The following RHBDD3 variants were observed in gnomAD, a reference collection of about 807,000 sequenced individuals.
RHBDD3 encodes the protein rhomboid domain containing 3.
RHBDD3 carries 34 observed loss-of-function variants against 32.3 expected under a neutral mutation model. The observed-to-expected ratio is 1.05, with a 90% CI of 0.80 to 1.40. The LOEUF is 1.40. RHBDD3 is among the 40% of genes most tolerant of loss of function. The pLI is 0.00. For missense variants in RHBDD3, 482 were observed against 492.6 expected (o/e 0.98, Z 0.20); for synonymous variants, 249 against 239.1 (o/e 1.04, Z -0.38).
chr22:29,266,195 T>G (rs1216055977), intron 2 of RHBDD3, among the ~76,000 whole-genome samples: 1 of 152,190 alleles, frequency 6.6e-6, no homozygotes, highest in Non-Finnish European at 1.5e-5. Context: ...ACATCCCCTT[T>G]GAGGGTGAAC....
intron 4 of RHBDD3, among the ~76,000 whole-genome samples, chr22:29,262,602 A>T (rs562106121): frequency 6.6e-6 from 1 of 152,248 alleles, no homozygotes; most frequent in African/African-American, 2.4e-5. Flanking sequence ...TGAGATTTTG[A>T]TAAGAATTGT....
rs553138805 is a variant in RHBDD3 at position 29,261,116 on chromosome 22, C to G, written c.533-252G>C. ...CCCAAGGCCTGGGCTCACCCGTGAC[C>G]CACTCTGTTCCCAGAACCCTATGCA... On this transcript the variant is annotated intron_variant, in intron 4 of 6. Transcript: ENST00000216085. The G allele has an allele frequency of 5.7e-5, 34 of 596,310 alleles. No individual in the cohort carries two copies. In the African/African-American group the frequency reaches 6.1e-4, roughly 11 times the overall value. 36.9% of individuals were successfully genotyped at this position (596,310 alleles called of 1,614,324 possible).
At chr22:29,265,438 A>T (rs1355295372) in intron 3 of RHBDD3, 41 bp downstream of exon 3, 1 of 1,467,806 alleles carries the variant, frequency 6.8e-7, no homozygotes, top group Admixed American at 2.7e-5. Context: ...CCCTACAGCA[A>T]GTCTCCTGCT....
upstream of RHBDD3, chr22:29,268,002 C>T: frequency 2.5e-6 from 1 of 407,308 alleles, no homozygotes; most frequent in Middle Eastern, 6.6e-4. Flanking sequence ...CTTCAGCGAC[C>T]GTCCCTAGAG....
At chr22:29,263,712 G>C in intron 4 of RHBDD3, 123 bp downstream of exon 4, 1 of 1,418,114 alleles carries the variant, frequency 7.1e-7, no homozygotes, top group Non-Finnish European at 9.2e-7. Context: ...GAAGCTCCTG[G>C]AATGTGTGTG....
chr22:29,267,999 G>T, upstream of RHBDD3: 1 of 399,094 alleles, frequency 2.5e-6, no homozygotes, highest in Non-Finnish European at 4.7e-6. Flanking sequence ...ACTCTTCAGC[G>T]ACCGTCCCTA....
chr22:29,260,463 G>T lies in RHBDD3; in HGVS notation c.846C>A (p.Phe282Leu). ...CCGCCCACATCGGAGTCCCTGGGGA[G>T]AAGCTGGCCCCAGCCCAGTCCAGGC... is the stretch of plus-strand genomic sequence containing the variant. ...EAGLDWAGAS[F>L]SPGTPMWAAL... The change falls in exon 6 of 7, where the codon TTC (phenylalanine) becomes TTA (leucine). Residue 282 changes from phenylalanine to leucine, a missense_variant. By Grantham distance (22) the Phe-to-Leu change is conservative. Transcript: ENST00000216085. 6.2e-7 allele frequency: 1 copy of T among 1,609,848 alleles called. No individual in the cohort carries two copies.
intron 3 of RHBDD3, chr22:29,264,526 G>A (rs955904387): frequency 8.7e-7 from 1 of 1,155,538 alleles, no homozygotes; most frequent in Non-Finnish European, 1.1e-6. Context: ...CTCTGCTTCT[G>A]TATTTACTAA....
At position 29,267,927 on chromosome 22, in the gene RHBDD3, T is replaced by G; in HGVS notation, c.-374A>C. ...CCGCGGCCCGCGGATTAGTCAGCAG[T>G]TGTTCTAGTCCGGGTCCCTTCCCCC... On this transcript the variant is annotated 5_prime_UTR_variant, in exon 1 of 7. Transcript: ENST00000216085. The G allele has an allele frequency of 3.9e-6, 1 of 256,818 alleles. No homozygotes were observed. Among genetic ancestry groups the G allele is most frequent in the Non-Finnish European group, 7.6e-6 (1 of 131,026 alleles). The allele number at this position is 256,818 out of a possible 1,614,324, so 15.9% of individuals were successfully genotyped here.
Position 29,260,345 on chromosome 22 carries a change from A to C in RHBDD3, c.964T>G (p.Ser322Ala). The C allele has an allele frequency of 1.9e-6, 3 of 1,610,146 alleles. No homozygotes were observed. Among genetic ancestry groups the C allele is most frequent in the Non-Finnish European group, 2.5e-6 (3 of 1,178,068 alleles). ...CCTTACCGCAGAGAGGAGACAGAGG[A>C]CTTGGACAGCCATGGTGCGCTCTGG... is the stretch of plus-strand genomic sequence containing the variant. ...EPQSAPWLSK[S>A]SVSSLRLQQL... Residue 322 changes from serine (S) to alanine (A), a missense_variant, in exon 6 of 7, where the codon TCC becomes GCC. Transcript: ENST00000216085.
chr22:29,259,871 G>A (rs2058088491), downstream of RHBDD3: 2 of 607,696 alleles, frequency 3.3e-6, no homozygotes. Flanking sequence ...GGAGGTCCAG[G>A]TTGAAAAACA....
chr22:29,260,425 T>G lies in RHBDD3; in HGVS notation c.884A>C (p.Gln295Pro), dbSNP rs753926010. The G allele has an allele frequency of 1.9e-5, 30 of 1,612,306 alleles. No homozygotes were observed. In the South Asian group the frequency reaches 3.1e-4, roughly 17 times the overall value. The change falls in exon 6 of 7, where the codon CAG becomes CCG. Residue 295 changes from glutamine (Q) to proline (P), a missense_variant. Transcript: ENST00000216085. Reference protein sequence around the residue: ...GTPMWAALDEQMLQEGIQASL... With the variant: ...GTPMWAALDEPMLQEGIQASL... The stretch of plus-strand genomic sequence containing the variant: ...GGCCTGGATGCCCTCCTGCAGCATC[T>G]GCTCATCCAAGGCCGCCCACATCGG...
rs775705006 is a variant in RHBDD3, at chr22:29,260,690, C to T, written c.695+12G>A. On this transcript the variant is annotated intron_variant, in intron 5 of 6. Coordinates refer to ENST00000216085, the MANE Select transcript of RHBDD3 (RefSeq NM_012265.3). Reference sequence around the variant, plus strand: ...CCACCACCTGGACTGGCATCCCCCCCATCACCCTCACCTCACTCCGGCAGG... The same window carrying T: ...CCACCACCTGGACTGGCATCCCCCCTATCACCCTCACCTCACTCCGGCAGG... 18 of 1,559,890 alleles carry T rather than the reference C, an allele frequency of 1.2e-5. No individual in the cohort carries two copies. The highest frequency in any genetic ancestry group is 1.5e-5 in the Non-Finnish European group (17 of 1,152,382).
rs1212317220 is a variant in RHBDD3, at chr22:29,267,866, T to C, written c.-313A>G. ...TCCATTCCGCGCACACCCGGCCGCG[T>C]GACCCCTGCCGACCGGCTGGCGCGC... is the stretch of plus-strand genomic sequence containing the variant. On this transcript the variant is annotated 5_prime_UTR_variant, in exon 1 of 7. Coordinates refer to ENST00000216085, the MANE Select transcript of RHBDD3 (RefSeq NM_012265.3). 4 of 223,352 alleles carry C rather than the reference T, an allele frequency of 1.8e-5. No individual in the cohort carries two copies. The highest frequency in any genetic ancestry group is 9.0e-5 in the African/African-American group (4 of 44,434). The allele number at this position is 223,352 out of a possible 1,614,324, so 13.8% of individuals were successfully genotyped here. A position where few individuals can be genotyped will look rare whatever the true frequency, so the allele number is the denominator to read the frequency against.
At chr22:29,261,259 C>T (rs889235260) in intron 4 of RHBDD3, 3 of 491,044 alleles carry the variant, frequency 6.1e-6, no homozygotes, top group Non-Finnish European at 1.2e-5. Context: ...GTGCAGAGGC[C>T]AGCCTGTTCT....
In RHBDD3 at chr22:29,261,287, TC is replaced by T. The variant is rs966033546; in HGVS notation, c.533-424del. The stretch of plus-strand genomic sequence containing the variant: ...CCTGTTCTCTCCAGTGGCACTGTTT[TC>T]CCCGATAGGTATGAATCATCTTAGG... On this transcript the variant is annotated intron_variant, in intron 4 of 6. Transcript: ENST00000216085. The T allele has an allele frequency of 2.4e-4, 116 of 479,676 alleles. 1 individual carries two copies. The Admixed American group carries it at 2.7e-3, about 11-fold the overall frequency. The allele number at this position is 479,676 out of a possible 1,614,324, so 29.7% of individuals were successfully genotyped here.
chr22:29,260,296 G>A (rs201292056), intron 6 of RHBDD3, 30 bp downstream of exon 6: 46 of 1,607,128 alleles, frequency 2.9e-5, no homozygotes, highest in Non-Finnish European at 3.7e-5. Context: ...CCTATACCAG[G>A]GGACCCCACC....
At position 29,260,833 on chromosome 22, in the gene RHBDD3, G is replaced by T; in HGVS notation, c.564C>A (p.Pro188=). The part of the protein sequence containing the change: ...YAAGAFRWLE[P]SERRLQVLQE... ...GCAGCACCTGCAGCCGTCGCTCTGAGGGTTCCAGCCACCGGAAGGCCCCAG... is the reference window on the plus strand; with the variant it reads ...GCAGCACCTGCAGCCGTCGCTCTGATGGTTCCAGCCACCGGAAGGCCCCAG... The change falls in exon 5 of 7, where the codon CCC becomes CCA. Residue 188 remains proline (P), a synonymous_variant. Transcript: ENST00000216085. 6.2e-7 allele frequency: 1 copy of T among 1,602,670 alleles called. No individual in the cohort carries two copies.
At chr22:29,266,518 G>A (rs191195347) in intron 2 of RHBDD3, among the ~76,000 whole-genome samples, 4 of 152,328 alleles carry the variant, frequency 2.6e-5, no homozygotes, top group East Asian at 3.9e-4. Context: ...CATGGCAGGC[G>A]TCTGTAGCCA....
Sources: gnomAD v4.1 joint callset for allele counts (sites outside exome capture counted in the v4.1 genomes callset) on GRCh38, gnomAD v4.1.1 for gene constraint, MANE v1.5 for transcripts, NCBI Gene and HGNC (gene_info 2026-07-23, HGNC 2026-07-21) for gene names.